Variants in LRFN5 observed in about 807,000 individuals in gnomAD.
The protein encoded by LRFN5 is leucine-rich repeat and fibronectin type-III domain-containing protein 5.
A neutral mutation model predicts 45.6 loss-of-function variants in LRFN5; 24 were observed. The observed-to-expected ratio is 0.53, with a 90% CI of 0.38 to 0.74. The LOEUF is 0.74. Among genes scored for constraint, LRFN5 ranks in the 30% least tolerant of loss-of-function variants. The pLI, the probability that LRFN5 is intolerant of heterozygous loss-of-function variation, is 0.00. For missense variants in LRFN5, 776 were observed against 861.5 expected (o/e 0.90, Z 1.24); for synonymous variants, 340 against 313.8 (o/e 1.08, Z -0.88).
chr14:41,710,327 C>T (rs1417660961), intron 1 of LRFN5, among the ~76,000 whole-genome samples: 3 of 152,092 alleles, frequency 2.0e-5, no homozygotes, highest in South Asian at 2.1e-4. Flanking sequence ...TAGTGGCATA[C>T]TCTTGCATCA....
chr14:41,831,778 CT>C (rs1888490575), intron 2 of LRFN5, among the ~76,000 whole-genome samples: 1 of 152,114 alleles, frequency 6.6e-6, no homozygotes, highest in African/African-American at 2.4e-5. Context: ...TCCCTTTGCT[CT>C]TGTCTTAGCT....
chr14:41,631,922 C>G (rs1434874289), intron 1 of LRFN5, among the ~76,000 whole-genome samples: 1 of 152,020 alleles, frequency 6.6e-6, no homozygotes, highest in Non-Finnish European at 1.5e-5. Flanking sequence ...GATGAGAAGC[C>G]ACGGAGAGTT....
intron 1 of LRFN5, among the ~76,000 whole-genome samples, chr14:41,676,643 A>T (rs1442143117): frequency 2.0e-5 from 3 of 152,248 alleles, no homozygotes; most frequent in Non-Finnish European, 2.9e-5. Context: ...GGCAGCATCC[A>T]CTTAAGAGCA....
intron 1 of LRFN5, among the ~76,000 whole-genome samples, chr14:41,668,646 C>G: frequency 6.6e-6 from 1 of 152,078 alleles, no homozygotes; most frequent in East Asian, 1.9e-4. Flanking sequence ...AAATGCTGTC[C>G]CCAAGACTGC....
At chr14:41,747,746 A>G (rs1456792413) in intron 1 of LRFN5, among the ~76,000 whole-genome samples, 1 of 152,028 alleles carries the variant, frequency 6.6e-6, no homozygotes, top group Non-Finnish European at 1.5e-5. Flanking sequence ...AATGGGAGAA[A>G]GTATTTGGAA....
intron 1 of LRFN5, among the ~76,000 whole-genome samples, chr14:41,716,780 A>G (rs889443275): frequency 6.6e-6 from 1 of 152,198 alleles, no homozygotes; most frequent in Non-Finnish European, 1.5e-5. Flanking sequence ...ATGTTCAGGT[A>G]TCTTTTCAGC....
chr14:41,774,068 C>T (rs966948604), intron 2 of LRFN5, among the ~76,000 whole-genome samples: 1 of 152,130 alleles, frequency 6.6e-6, no homozygotes, highest in African/African-American at 2.4e-5. Flanking sequence ...AATAAATGCT[C>T]TTCTTTATGA....
At chr14:41,761,725 A>C (rs766255827) in intron 1 of LRFN5, among the ~76,000 whole-genome samples, 1 of 152,212 alleles carries the variant, frequency 6.6e-6, no homozygotes, top group African/African-American at 2.4e-5. Context: ...ATAAATATCA[A>C]GAAAAATTTT....
chr14:41,809,991 A>G (rs1426676951), intron 2 of LRFN5, among the ~76,000 whole-genome samples: 1 of 152,068 alleles, frequency 6.6e-6, no homozygotes, highest in Admixed American at 6.6e-5. Context: ...TGGATAGCAG[A>G]ATAAGTCACT....
At chr14:41,858,400 G>C (rs574741731) in intron 2 of LRFN5, among the ~76,000 whole-genome samples, 19 of 152,038 alleles carry the variant, frequency 1.2e-4, no homozygotes, top group Non-Finnish European at 2.6e-4. Flanking sequence ...AAATTTCTCT[G>C]ATTCTACCCA....
intron 2 of LRFN5, among the ~76,000 whole-genome samples, chr14:41,860,062 C>T (rs555077631): frequency 1.3e-4 from 20 of 152,166 alleles, no homozygotes; most frequent in Admixed American, 5.9e-4. Flanking sequence ...TTCCAAGGAC[C>T]GTGGGTACAG....
At chr14:41,639,059 A>T (rs1487775047) in intron 1 of LRFN5, among the ~76,000 whole-genome samples, 4 of 152,048 alleles carry the variant, frequency 2.6e-5, no homozygotes, top group Non-Finnish European at 5.9e-5. Flanking sequence ...CATACCTGAA[A>T]AGTGACAGAA....
intron 1 of LRFN5, among the ~76,000 whole-genome samples, chr14:41,663,139 T>C (rs1216496769): frequency 6.6e-6 from 1 of 152,140 alleles, no homozygotes; most frequent in Non-Finnish European, 1.5e-5. Flanking sequence ...ATTATTTTTC[T>C]AACATGTCTT....
At chr14:41,728,241 G>A (rs929033434) in intron 1 of LRFN5, among the ~76,000 whole-genome samples, 3 of 152,054 alleles carry the variant, frequency 2.0e-5, no homozygotes, top group African/African-American at 7.2e-5. Context: ...TGTTGCTTCT[G>A]TTTGAAGAAA....
chr14:41,740,137 C>A (rs1223328012), intron 1 of LRFN5, among the ~76,000 whole-genome samples: 1 of 151,952 alleles, frequency 6.6e-6, no homozygotes, highest in Non-Finnish European at 1.5e-5. Flanking sequence ...TAATATCAGT[C>A]CTTCTCAAGA....
chr14:41,897,154 G>A (rs1890968187), intron 4 of LRFN5, among the ~76,000 whole-genome samples: 1 of 151,038 alleles, frequency 6.6e-6, no homozygotes, highest in South Asian at 2.1e-4. Context: ...AGAGTGGTAA[G>A]CATATTGTTT....
At chr14:41,764,776 AC>A (rs1885808272) in intron 1 of LRFN5, among the ~76,000 whole-genome samples, 1 of 151,904 alleles carries the variant, frequency 6.6e-6, no homozygotes, top group Admixed American at 6.6e-5. Context: ...GCCTGTATTT[AC>A]TAACATGTGT....
At chr14:41,686,415 G>A (rs1232430861) in intron 1 of LRFN5, among the ~76,000 whole-genome samples, 3 of 152,034 alleles carry the variant, frequency 2.0e-5, no homozygotes, top group African/African-American at 7.2e-5. Context: ...TCTGCAAACA[G>A]AGAAAGCTTG....
intron 1 of LRFN5, among the ~76,000 whole-genome samples, chr14:41,693,358 C>T (rs140916466): frequency 4.6e-4 from 70 of 152,146 alleles, no homozygotes; most frequent in South Asian, 1.0e-3. Flanking sequence ...CGTACTTTAA[C>T]AATATAGAGT....
Sources: gnomAD v4.1 joint callset for allele counts (sites outside exome capture counted in the v4.1 genomes callset) on GRCh38, gnomAD v4.1.1 for gene constraint, MANE v1.5 for transcripts, NCBI Gene and HGNC (gene_info 2026-07-23, HGNC 2026-07-21) for gene names.